Variants in TSNARE1 observed in about 807,000 individuals in gnomAD.
TSNARE1 encodes the protein t-SNARE domain containing 1.
A neutral mutation model predicts 62.0 loss-of-function variants in TSNARE1; 49 were observed. The observed-to-expected ratio is 0.79, with a 90% CI of 0.63 to 1.00. The LOEUF (loss-of-function observed/expected upper bound fraction) is 1.00. TSNARE1 is among the 50% of genes least tolerant of loss of function. The pLI is 0.00. For synonymous variants in TSNARE1, 328 were observed against 294.4 expected, an observed-to-expected ratio of 1.11 and a Z score of -1.17; for missense variants, 755 against 700.1, an observed-to-expected ratio of 1.08 and a Z score of -0.88.
intron 1 of TSNARE1, among the ~76,000 whole-genome samples, chr8:142,390,886 G>GA (rs1186266777): frequency 2.0e-5 from 2 of 98,900 alleles, no homozygotes; most frequent in East Asian, 7.2e-4. Flanking sequence ...CACTGCTGGG[G>GA]ACTCTGTAAC....
upstream of TSNARE1, chr8:142,406,345 A>G (rs1838584071): frequency 6.6e-6 from 1 of 152,252 alleles, no homozygotes; most frequent in Non-Finnish European, 1.5e-5. Context: ...TCCTAAGCTC[A>G]CGGGAGTGGG....
At chr8:142,376,873 A>G (rs1239553133) in intron 1 of TSNARE1, among the ~76,000 whole-genome samples, 2 of 152,208 alleles carry the variant, frequency 1.3e-5, no homozygotes, top group Non-Finnish European at 2.9e-5. Context: ...CCCTAGGCCA[A>G]CAGCTTCAGG....
chr8:142,318,916 G>T (rs1264823177), intron 6 of TSNARE1, among the ~76,000 whole-genome samples: 3 of 151,854 alleles, frequency 2.0e-5, no homozygotes, highest in East Asian at 1.9e-4. Context: ...CAGAGAAAGA[G>T]GAGGGGGCCC....
At chr8:142,246,646 A>T (rs1345600162) in intron 12 of TSNARE1, among the ~76,000 whole-genome samples, 1 of 152,180 alleles carries the variant, frequency 6.6e-6, no homozygotes, top group Non-Finnish European at 1.5e-5. Context: ...GGCTTCCCTG[A>T]GCCCTGGGCC....
intron 9 of TSNARE1, among the ~76,000 whole-genome samples, chr8:142,310,495 T>A (rs190420267): frequency 6.6e-5 from 10 of 152,326 alleles, no homozygotes; most frequent in African/African-American, 2.4e-4. Flanking sequence ...CTGAGATCAC[T>A]CCTTTTCCAC....
chr8:142,279,828 G>A (rs965517661), intron 11 of TSNARE1: 106 of 991,414 alleles, frequency 1.1e-4, no homozygotes, highest in African/African-American at 1.2e-4. Context: ...AGTGTGGTCC[G>A]GGGGGGCGGG....
intron 1 of TSNARE1, among the ~76,000 whole-genome samples, chr8:142,356,912 G>C (rs748919929): frequency 2.0e-5 from 3 of 152,066 alleles, no homozygotes; most frequent in Non-Finnish European, 4.4e-5. Flanking sequence ...CAAAGGCTGT[G>C]TTAACAGCCC....
chr8:142,241,128 C>G (rs1817652908), intron 12 of TSNARE1, among the ~76,000 whole-genome samples: 1 of 152,208 alleles, frequency 6.6e-6, no homozygotes, highest in Non-Finnish European at 1.5e-5. Flanking sequence ...ACCCCAAGGA[C>G]TCCACACAAA....
chr8:142,286,711 C>T (rs1226605495), intron 10 of TSNARE1, among the ~76,000 whole-genome samples: 2 of 152,206 alleles, frequency 1.3e-5, no homozygotes, highest in African/African-American at 2.4e-5. Flanking sequence ...ATCAAGGTCA[C>T]GAAGTATGGC....
intron 12 of TSNARE1, among the ~76,000 whole-genome samples, chr8:142,253,243 C>T (rs1191052207): frequency 1.3e-5 from 2 of 152,206 alleles, no homozygotes; most frequent in Admixed American, 6.5e-5. Context: ...GTGGTGACGG[C>T]GGTGCCTGCA....
At chr8:142,329,677 A>C (rs1163408925) in intron 6 of TSNARE1, among the ~76,000 whole-genome samples, 1 of 152,146 alleles carries the variant, frequency 6.6e-6, no homozygotes, top group African/African-American at 2.4e-5. Flanking sequence ...ACAGTCCCTC[A>C]CTGAGGTCTG....
intron 12 of TSNARE1, among the ~76,000 whole-genome samples, chr8:142,232,233 A>C (rs978791852): frequency 7.2e-5 from 11 of 152,044 alleles, no homozygotes; most frequent in African/African-American, 2.7e-4. Flanking sequence ...TGCTGGAAGC[A>C]CTCCCCTGGG....
At chr8:142,277,624 C>G (rs1450599837) in intron 11 of TSNARE1, 1 of 985,308 alleles carries the variant, frequency 1.0e-6, no homozygotes, top group Non-Finnish European at 1.2e-6. Context: ...GTCCTAAGCA[C>G]TCTCGCTTGG....
chr8:142,225,640 G>A (rs747386523), intron 13 of TSNARE1, among the ~76,000 whole-genome samples: 17 of 152,208 alleles, frequency 1.1e-4, no homozygotes, highest in Non-Finnish European at 2.1e-4. Flanking sequence ...AGTGACTACA[G>A]GCAAACCATG....
chr8:142,398,913 C>T (rs1380221081), intron 1 of TSNARE1, among the ~76,000 whole-genome samples: 4 of 152,188 alleles, frequency 2.6e-5, no homozygotes, highest in Admixed American at 1.3e-4. Flanking sequence ...GAAGCCCACA[C>T]GGAGCCACCT....
intron 1 of TSNARE1, among the ~76,000 whole-genome samples, chr8:142,390,966 G>A (rs542862879): frequency 2.8e-5 from 4 of 141,082 alleles, no homozygotes; most frequent in African/African-American, 8.0e-5. Flanking sequence ...AGCAGACGCT[G>A]TACACTGCTG....
At chr8:142,285,648 G>A (rs1201238610) in intron 10 of TSNARE1, among the ~76,000 whole-genome samples, 2 of 152,158 alleles carry the variant, frequency 1.3e-5, no homozygotes, top group Non-Finnish European at 2.9e-5. Context: ...GAGCGGCTAA[G>A]TGGATGGTTG....
At chr8:142,317,126 G>A (rs1301782546) in intron 7 of TSNARE1, among the ~76,000 whole-genome samples, 1 of 151,212 alleles carries the variant, frequency 6.6e-6, no homozygotes, top group African/African-American at 2.4e-5. Flanking sequence ...GGTACGACCA[G>A]TGGCTCACAC....
At chr8:142,362,863 T>C (rs542765991) in intron 1 of TSNARE1, among the ~76,000 whole-genome samples, 25 of 152,262 alleles carry the variant, frequency 1.6e-4, no homozygotes, top group Non-Finnish European at 2.9e-4. Context: ...TCTTTCTCTG[T>C]AACATGGGAC....
Sources: gnomAD v4.1 joint callset for allele counts (sites outside exome capture counted in the v4.1 genomes callset) on GRCh38, gnomAD v4.1.1 for gene constraint, MANE v1.5 for transcripts, NCBI Gene and HGNC (gene_info 2026-07-23, HGNC 2026-07-21) for gene names.